MECOM: variants seen among roughly 807,000 people sequenced by gnomAD.
MECOM encodes the protein MDS1 and EVI1 complex locus, also known as histone-lysine N-methyltransferase MECOM.
MECOM carries 13 observed loss-of-function variants against 116.3 expected under a neutral mutation model. That is an observed-to-expected ratio of 0.11 (90% confidence interval 0.07 to 0.18). The LOEUF is 0.18. MECOM is among the 10% of genes least tolerant of loss of function. The pLI, the probability that MECOM is intolerant of heterozygous loss-of-function variation, is 1.00. For missense variants in MECOM, 1,299 were observed against 1,509.0 expected (o/e 0.86, Z 2.31); for synonymous variants, 528 against 535.2 (o/e 0.99, Z 0.19).
chr3:169,490,343 T>C (rs909913732), intron 1 of MECOM, among the ~76,000 whole-genome samples: 2 of 152,140 alleles, frequency 1.3e-5, no homozygotes, highest in Non-Finnish European at 2.9e-5. Context: ...CAATTCAAGG[T>C]ATCGATCTTG....
chr3:169,170,645 C>T (rs1452405964), intron 2 of MECOM, among the ~76,000 whole-genome samples: 1 of 152,060 alleles, frequency 6.6e-6, no homozygotes, highest in Non-Finnish European at 1.5e-5. Flanking sequence ...GAGCCAGTTT[C>T]TCTAATTCTG....
At chr3:169,376,931 A>G (rs929946478) in intron 2 of MECOM, among the ~76,000 whole-genome samples, 21 of 152,200 alleles carry the variant, frequency 1.4e-4, no homozygotes, top group African/African-American at 4.3e-4. Flanking sequence ...AAACTATACT[A>G]TAAGGCTACA....
chr3:169,468,090 G>A (rs1748605883), intron 1 of MECOM, among the ~76,000 whole-genome samples: 1 of 150,448 alleles, frequency 6.6e-6, no homozygotes. Flanking sequence ...CAGTCTTCGT[G>A]TGCTTCTTAC....
intron 1 of MECOM, among the ~76,000 whole-genome samples, chr3:169,650,172 G>A (rs942752834): frequency 6.6e-6 from 1 of 152,182 alleles, no homozygotes; most frequent in Non-Finnish European, 1.5e-5. Flanking sequence ...ATAGTTAAAA[G>A]TAAAAGATAG....
At chr3:169,575,733 G>A (rs1764411856) in intron 1 of MECOM, among the ~76,000 whole-genome samples, 1 of 152,134 alleles carries the variant, frequency 6.6e-6, no homozygotes, top group Admixed American at 6.5e-5. Flanking sequence ...ACGGATGCAG[G>A]TGTCTCCTTA....
intron 1 of MECOM, among the ~76,000 whole-genome samples, chr3:169,472,300 T>C (rs1444726422): frequency 2.6e-4 from 38 of 148,904 alleles, no homozygotes; most frequent in Admixed American, 2.5e-3. Flanking sequence ...AATAATAATA[T>C]ATTCAGGAGG....
intron 1 of MECOM, among the ~76,000 whole-genome samples, chr3:169,514,024 T>A (rs71306636): frequency 0.02 from 3,086 of 152,308 alleles, 46 homozygotes; most frequent in Non-Finnish European, 0.032. Context: ...TATTTCACAA[T>A]TGTTCTACAA....
At chr3:169,316,427 T>C (rs1278008879) in intron 2 of MECOM, among the ~76,000 whole-genome samples, 2 of 152,244 alleles carry the variant, frequency 1.3e-5, no homozygotes, top group Non-Finnish European at 2.9e-5. Flanking sequence ...GAGGCAGTCA[T>C]ATCAACAAAG....
intron 3 of MECOM, among the ~76,000 whole-genome samples, chr3:169,137,817 C>T (rs537718923): frequency 2.6e-5 from 4 of 152,118 alleles, no homozygotes; most frequent in African/African-American, 4.8e-5. Context: ...TGCATAAATA[C>T]GGCAATTGAT....
chr3:169,484,095 T>C, intron 1 of MECOM: 2 of 870,234 alleles, frequency 2.3e-6, no homozygotes, highest in Non-Finnish European at 3.6e-6. Context: ...CTATTGTTAT[T>C]CTGTTATATT....
At chr3:169,263,129 G>GT (rs1220362498) in intron 2 of MECOM, among the ~76,000 whole-genome samples, 375 of 26,274 alleles carry the variant, frequency 0.014, 26 homozygotes, top group Middle Eastern at 0.029. Context: ...ATATATATAT[G>GT]TTTTTTTTTT....
At chr3:169,371,235 A>C (rs1028998477) in intron 2 of MECOM, among the ~76,000 whole-genome samples, 1 of 152,016 alleles carries the variant, frequency 6.6e-6, no homozygotes, top group Admixed American at 6.6e-5. Context: ...GGAGGATATT[A>C]TGCTAAGTGA....
At position 169,322,537 on chromosome 3, in the gene MECOM, G is replaced by A. The variant is rs192331917; in HGVS notation, c.375+58650C>T. Among the ~76,000 whole-genome samples the A allele has an allele frequency of 1.7e-3, 264 of 152,168 alleles. 1 individual carries two copies. Among genetic ancestry groups the A allele is most frequent in the African/African-American group, 6.2e-3 (258 of 41,514 alleles). On this transcript the variant is annotated intron_variant, in intron 2 of 16. Coordinates refer to ENST00000651503, the MANE Select transcript of MECOM (RefSeq NM_004991.4). ...AAGCCTGACCAAGACTTATCAGGAT[G>A]GAACCAACTGAACAACTTAATAAAG...
At chr3:169,239,011 CTA>C (rs763110512) in intron 2 of MECOM, among the ~76,000 whole-genome samples, 1 of 152,088 alleles carries the variant, frequency 6.6e-6, no homozygotes, top group Non-Finnish European at 1.5e-5. Context: ...TAGATTAACA[CTA>C]TATATTTTTT....
chr3:169,571,652 C>G (rs930801877), intron 1 of MECOM, among the ~76,000 whole-genome samples: 3 of 152,168 alleles, frequency 2.0e-5, no homozygotes, highest in East Asian at 3.9e-4. Flanking sequence ...ATATATAGAC[C>G]AATGGAACAG....
chr3:169,584,038 A>C (rs1426630788), intron 1 of MECOM, among the ~76,000 whole-genome samples: 1 of 152,182 alleles, frequency 6.6e-6, no homozygotes, highest in Admixed American at 6.5e-5. Flanking sequence ...ATTATTCTAA[A>C]TATGCATGCA....
At chr3:169,216,846 T>TAAAACA (rs199639650) in intron 2 of MECOM, among the ~76,000 whole-genome samples, 1 of 150,552 alleles carries the variant, frequency 6.6e-6, no homozygotes, top group Non-Finnish European at 1.5e-5. Context: ...TGTTTATCTG[T>TAAAACA]AAAACAAAAA....
intron 2 of MECOM, among the ~76,000 whole-genome samples, chr3:169,303,161 T>G (rs1215783745): frequency 6.6e-6 from 1 of 152,190 alleles, no homozygotes; most frequent in Non-Finnish European, 1.5e-5. Flanking sequence ...GAAACCATTT[T>G]ACATATTTTC....
At chr3:169,091,048 T>C (rs965279170) in intron 14 of MECOM, among the ~76,000 whole-genome samples, 1 of 152,100 alleles carries the variant, frequency 6.6e-6, no homozygotes, top group African/African-American at 2.4e-5. Context: ...AAAAGTCATA[T>C]CATTATTAAG....
Sources: allele counts gnomAD v4.1 joint callset (sites outside exome capture counted in the v4.1 genomes callset), GRCh38; gene constraint gnomAD v4.1.1; transcripts MANE v1.5; gene names NCBI Gene and HGNC (gene_info 2026-07-23, HGNC 2026-07-21).